RBSN: variants seen among roughly 807,000 people sequenced by gnomAD.
RBSN encodes rabenosyn-5.
In RBSN, 34 loss-of-function variants were observed where a neutral mutation model predicts 60.5. That is an observed-to-expected ratio of 0.56 (90% CI 0.43 to 0.75). The LOEUF is 0.75. Among genes scored for constraint, RBSN ranks in the 30% least tolerant of loss-of-function variants. The pLI, the probability that RBSN is intolerant of heterozygous loss-of-function variation, is 0.00. For missense variants in RBSN, 845 were observed against 986.8 expected (o/e 0.86, Z 1.92); for synonymous variants, 322 against 366.9 (o/e 0.88, Z 1.40).
In RBSN at chr3:15,077,481, G is replaced by C. The variant is rs528472470; in HGVS notation, c.999-317C>G. ...CCTGTGCTTGGTTTAATGCTCTGCT[G>C]TTAGTGTCTTTATTCTTAATAACTT... is the stretch of plus-strand genomic sequence containing the variant. On this transcript the variant is annotated intron_variant, in intron 11 of 13. Transcript: ENST00000253699. This position sits in a 1 kb window ranked among gnomAD's most constrained non-coding sequence, Gnocchi z 4.4. 6.6e-6 allele frequency among the ~76,000 whole-genome samples: 1 copy of C among 152,314 alleles called. No homozygotes were observed. The highest frequency in any genetic ancestry group is 1.9e-4 in the East Asian group (1 of 5,180).
rs2042934136 is a variant in RBSN at position 15,071,874 on chromosome 3, G to A, written c.*1908C>T. The A allele has an allele frequency of 6.6e-6, 1 of 152,634 alleles. No homozygotes were observed. Among genetic ancestry groups the A allele is most frequent in the Non-Finnish European group, 1.5e-5 (1 of 68,048 alleles). 9.5% of individuals were successfully genotyped at this position (152,634 alleles called of 1,614,324 possible). On this transcript the variant is annotated 3_prime_UTR_variant, in exon 14 of 14. Coordinates refer to ENST00000253699, the MANE Select transcript of RBSN (RefSeq NM_022340.4). The stretch of plus-strand genomic sequence containing the variant: ...TCAGTTATTGTTCATTAGTTCAGAT[G>A]AGTAACTGCAGAAACTCTACCCAGA...
Position 15,077,902 on chromosome 3 carries a change from C to T in RBSN, c.998+173G>A, listed in dbSNP as rs555009367. ...CAAACATTAGAAATCCTTAACGAAA[C>T]AAAAGTCACTGAGATGCATTAAGTG... On this transcript the variant is annotated intron_variant, in intron 11 of 13. Transcript: ENST00000253699. The surrounding 1 kb of genome is among the most constrained non-coding windows in gnomAD (Gnocchi z 4.4). 6.6e-6 allele frequency among the ~76,000 whole-genome samples: 1 copy of T among 152,342 alleles called. No individual in the cohort carries two copies. The highest frequency in any genetic ancestry group is 1.9e-4 in the East Asian group (1 of 5,192).
At position 15,074,374 on chromosome 3, in the gene RBSN, G is replaced by C; in HGVS notation, c.1763C>G (p.Thr588Ser). 6.2e-7 allele frequency: 1 copy of C among 1,614,152 alleles called. No homozygotes were observed. The highest frequency in any genetic ancestry group is 8.5e-7 in the Non-Finnish European group (1 of 1,180,022). ...SPVPSSTAPK[T>S]PSLSSTQPTR... Reference sequence around the variant, plus strand: ...GGGTTGAGTTGAGCTAAGTGAAGGGGTCTTGGGAGCTGTGCTGCTTGGAAC... The same window carrying C: ...GGGTTGAGTTGAGCTAAGTGAAGGGCTCTTGGGAGCTGTGCTGCTTGGAAC... Residue 588 changes from threonine (T) to serine (S), a missense_variant, in exon 14 of 14, where the codon ACC (threonine) becomes AGC (serine). Thr to Ser is a moderately conservative substitution (Grantham distance 58). Transcript: ENST00000253699. The surrounding 1 kb of genome is among the most constrained non-coding windows in gnomAD (Gnocchi z 6.4).
At position 15,082,445 on chromosome 3, in the gene RBSN, G is replaced by A. The variant is rs1281850663; in HGVS notation, c.762C>T (p.His254=). 6.2e-7 allele frequency: 1 copy of A among 1,614,216 alleles called. No individual in the cohort carries two copies. Among genetic ancestry groups the A allele is most frequent in the Admixed American group, 1.7e-5 (1 of 60,028 alleles). The change falls in exon 9 of 14, where the codon CAC becomes CAT. Residue 254 remains histidine (H), a synonymous_variant. Transcript: ENST00000253699. The surrounding 1 kb of genome is among the most constrained non-coding windows in gnomAD (Gnocchi z 4.2). ...CTCTCTTGAGCAGCGTGTCCTTGCA[G>A]TGTGTACAGCAGCGGATCCGGTCAT... is the stretch of plus-strand genomic sequence containing the variant. ...KDDDRIRCCT[H]CKDTLLKREQ...
At chr3:15,075,377 C>A (rs1481727605) in intron 13 of RBSN, 1 of 665,310 alleles carries the variant, frequency 1.5e-6, no homozygotes, top group Admixed American at 2.0e-5. Flanking sequence ...GGTATTCTAG[C>A]CATGAGAGAA....
intron 4 of RBSN, among the ~76,000 whole-genome samples, chr3:15,093,105 A>C (rs2043558358): frequency 6.6e-6 from 1 of 152,118 alleles, no homozygotes; most frequent in Non-Finnish European, 1.5e-5. Context: ...TTCTTTTTTG[A>C]ACTGCCCCCA....
rs149423978 is a variant in RBSN at position 15,098,479 on chromosome 3, T to A, written c.-500-205A>T. ...GTAAAAAAAATAAAAATAAAAAAAATAAATATAGCTACATGTTCTGCAGCC... is the reference window on the plus strand; with the variant it reads ...GTAAAAAAAATAAAAATAAAAAAAAAAAATATAGCTACATGTTCTGCAGCC... On this transcript the variant is annotated intron_variant, in intron 1 of 13. Transcript: ENST00000253699. Among the ~76,000 whole-genome samples the A allele has an allele frequency of 0.96, 102,155 of 106,846 alleles. 48,732 individuals carry two copies. Among genetic ancestry groups the A allele is most frequent in the East Asian group, 1 (3,710 of 3,726 alleles). The allele number at this position is 106,846 out of a possible 152,430, so 70.1% of individuals were successfully genotyped here.
intron 5 of RBSN, among the ~76,000 whole-genome samples, chr3:15,090,037 A>G (rs975882161): frequency 6.6e-6 from 1 of 152,192 alleles, no homozygotes; most frequent in African/African-American, 2.4e-5. Context: ...CTGGGCAGGT[A>G]ATGTCCTATG....
chr3:15,075,217 T>G, intron 13 of RBSN: 1 of 496,044 alleles, frequency 2.0e-6, no homozygotes. Context: ...CTAAGGTCTG[T>G]TCCCCTCATC....
chr3:15,094,057 T>C (rs1312784654), intron 4 of RBSN, among the ~76,000 whole-genome samples: 1 of 152,206 alleles, frequency 6.6e-6, no homozygotes, highest in East Asian at 1.9e-4. Context: ...TTCTATTTAG[T>C]ATTCCTTAAA....
At chr3:15,085,218 T>C (rs2125170415) in intron 6 of RBSN, among the ~76,000 whole-genome samples, 173 bp from the exon 7 acceptor site, 1 of 152,316 alleles carries the variant, frequency 6.6e-6, no homozygotes, top group Middle Eastern at 3.4e-3. Flanking sequence ...GGTATTAGTT[T>C]TGCATCTAGA....
At chr3:15,079,935 T>A (rs1261099896) in intron 10 of RBSN, among the ~76,000 whole-genome samples, 2 of 152,140 alleles carry the variant, frequency 1.3e-5, no homozygotes, top group Non-Finnish European at 2.9e-5. Flanking sequence ...GTGAACTACA[T>A]CTCAATTTTA....
Position 15,077,656 on chromosome 3 carries a change from C to G in RBSN, c.998+419G>C, listed in dbSNP as rs2043087691. 6.6e-6 allele frequency among the ~76,000 whole-genome samples: 1 copy of G among 152,192 alleles called. No homozygotes were observed. Among genetic ancestry groups the G allele is most frequent in the Admixed American group, 6.5e-5 (1 of 15,276 alleles). The stretch of plus-strand genomic sequence containing the variant: ...CAATGGCCAGTCCACAGTTAAAAAG[C>G]AGCTGTGGACTTGAGCACAGACACA... On this transcript the variant is annotated intron_variant, in intron 11 of 13. Coordinates refer to ENST00000253699, the MANE Select transcript of RBSN (RefSeq NM_022340.4). This position sits in a 1 kb window ranked among gnomAD's most constrained non-coding sequence, Gnocchi z 4.4.
Position 15,099,122 on chromosome 3 carries a change from G to C in RBSN, c.-588C>G, listed in dbSNP as rs982474873. On this transcript the variant is annotated 5_prime_UTR_variant, in exon 1 of 14. Transcript: ENST00000253699. ...CACCGTCCGTCACTCAGCCGCAGCC[G>C]CCATCTCCATCGGTCGCTCGGAACT... 5 of 152,290 alleles carry C rather than the reference G, an allele frequency of 3.3e-5. No individual in the cohort carries two copies. The highest frequency in any genetic ancestry group is 6.5e-5 in the Admixed American group (1 of 15,284). 9.4% of individuals were successfully genotyped at this position (152,290 alleles called of 1,614,324 possible). A position where few individuals can be genotyped will look rare whatever the true frequency, so the allele number is the denominator to read the frequency against.
intron 4 of RBSN, 74 bp downstream of exon 4, chr3:15,095,899 A>G: frequency 6.2e-7 from 1 of 1,601,952 alleles, no homozygotes; most frequent in Non-Finnish European, 8.6e-7. Flanking sequence ...GGCAACACCA[A>G]AGCTGATGAG....
At chr3:15,091,501 A>G in intron 4 of RBSN, 5 of 1,286,486 alleles carry the variant, frequency 3.9e-6, no homozygotes, top group Non-Finnish European at 5.1e-6. Context: ...CATCTACAAC[A>G]TAACACAAAC....
intron 4 of RBSN, among the ~76,000 whole-genome samples, chr3:15,091,179 C>T (rs1367207441): frequency 8.8e-6 from 1 of 113,290 alleles, no homozygotes; most frequent in Non-Finnish European, 1.7e-5. Context: ...CACTGTACTC[C>T]AGCCTGGACA....
chr3:15,091,523 G>A (rs2043516596), intron 4 of RBSN: 1 of 1,278,514 alleles, frequency 7.8e-7, no homozygotes, highest in Non-Finnish European at 1.0e-6. Flanking sequence ...GAACCAGATT[G>A]GGTAAGAAGA....
At position 15,075,726 on chromosome 3, in the gene RBSN, G is replaced by A. The variant is rs570983158; in HGVS notation, c.1102-16C>T. ...GCAACTTTTCCTGCAGGGAGTGACA[G>A]ACAATTTTACACTTAAACCCTTTTA... On this transcript the variant is annotated splice_polypyrimidine_tract_variant and intron_variant, in intron 12 of 13. Coordinates refer to ENST00000253699, the MANE Select transcript of RBSN (RefSeq NM_022340.4). 8.7e-6 allele frequency: 14 copies of A among 1,607,558 alleles called. No individual in the cohort carries two copies. The highest frequency in any genetic ancestry group is 1.0e-5 in the Non-Finnish European group (12 of 1,174,270).
Sources: allele counts gnomAD v4.1 joint callset (sites outside exome capture counted in the v4.1 genomes callset), GRCh38; gene constraint gnomAD v4.1.1; non-coding constraint Gnocchi (gnomAD v3.1); transcripts MANE v1.5; gene names NCBI Gene and HGNC (gene_info 2026-07-23, HGNC 2026-07-21).